PFKFB1: variants seen among roughly 807,000 people sequenced by gnomAD.
The protein encoded by PFKFB1 is 6-phosphofructo-2-kinase/fructose-2,6-bisphosphatase 1.
Under a neutral mutation model 46.4 loss-of-function variants are expected in PFKFB1, and 34 were observed. That is an observed-to-expected ratio of 0.73 (90% CI 0.56 to 0.98). PFKFB1 has a LOEUF of 0.98. Ranked by LOEUF, PFKFB1 falls within the 50% of genes least tolerant of loss-of-function variation. PFKFB1 has a pLI of 0.00. For synonymous variants in PFKFB1, 119 were observed against 133.8 expected (o/e 0.89, Z 0.76); for missense variants, 393 against 376.3 (o/e 1.04, Z -0.37).
At chrX:54,989,999 C>A (rs952778335) in intron 1 of PFKFB1, among the ~76,000 whole-genome samples, 2 of 111,134 alleles carry the variant, frequency 1.8e-5, no homozygotes, top group Non-Finnish European at 3.8e-5. Flanking sequence ...TATGGCCATA[C>A]GATTGTGAAT....
At chrX:54,951,798 A>C in intron 8 of PFKFB1, 107 bp downstream of exon 8, 1 of 616,974 alleles carries the variant, frequency 1.6e-6, no homozygotes, top group Non-Finnish European at 2.6e-6. Flanking sequence ...CTTCTCCCCC[A>C]TCCCTGGGTC....
chrX:54,984,270 A>T (rs904963925), intron 1 of PFKFB1, among the ~76,000 whole-genome samples: 4 of 111,838 alleles, frequency 3.6e-5, no homozygotes, highest in Non-Finnish European at 7.5e-5. Context: ...CCTATTTGCA[A>T]ATGTCATGAT....
intron 1 of PFKFB1, among the ~76,000 whole-genome samples, chrX:54,973,197 C>A (rs924960237): frequency 1.3e-4 from 15 of 111,366 alleles, no homozygotes; most frequent in African/African-American, 4.9e-4. Flanking sequence ...TCCCCTTTAT[C>A]ATTTTTTATT....
Position 54,952,081 on chromosome X carries a change from C to G in PFKFB1, c.670G>C (p.Gly224Arg). The G allele has an allele frequency of 4.1e-6, 5 of 1,211,119 alleles. No individual in the cohort carries two copies. Among genetic ancestry groups the G allele is most frequent in the Non-Finnish European group, 5.6e-6 (5 of 895,173 alleles). ...HLSYIKIFDV[G>R]TRYMVNRVQD... ...ACTCGGTTCACCATGTAGCGTGTGC[C>G]CACGTCGAAGATCTTGATGTAGGAC... The change falls in exon 8 of 14, where the codon GGC becomes CGC. Residue 224 changes from glycine (G) to arginine (R), a missense_variant. Transcript: ENST00000375006.
chrX:54,938,398 T>G (rs770125422), intron 10 of PFKFB1, among the ~76,000 whole-genome samples: 2 of 111,923 alleles, frequency 1.8e-5, no homozygotes, highest in East Asian at 2.8e-4. Context: ...ATAACAATAT[T>G]AACCTTAAAT....
chrX:54,949,341 A>G, intron 8 of PFKFB1, 120 bp from the exon 9 acceptor site: 1 of 521,425 alleles, frequency 1.9e-6, no homozygotes, highest in South Asian at 4.7e-5. Flanking sequence ...CAAGCAGAGC[A>G]AAGAGTTTAA....
At chrX:54,991,545 G>C (rs1056428164) in intron 1 of PFKFB1, among the ~76,000 whole-genome samples, 1 of 106,795 alleles carries the variant, frequency 9.4e-6, no homozygotes, top group Non-Finnish European at 1.9e-5. Context: ...CTCTCTGTGT[G>C]TGTGTGTGTG....
chrX:54,981,373 T>C (rs950876617), intron 1 of PFKFB1, among the ~76,000 whole-genome samples: 1 of 111,823 alleles, frequency 8.9e-6, no homozygotes, highest in African/African-American at 3.2e-5. Context: ...AACAATTAGA[T>C]TCGCAGTTGA....
At chrX:54,993,326 T>C (rs1935292014) in intron 1 of PFKFB1, among the ~76,000 whole-genome samples, 1 of 112,215 alleles carries the variant, frequency 8.9e-6, no homozygotes, top group African/African-American at 3.2e-5. Context: ...AGGAAGTCCA[T>C]ATGTGCCAGG....
upstream of PFKFB1, among the ~76,000 whole-genome samples, chrX:54,996,485 C>A (rs918679098): frequency 2.7e-5 from 3 of 112,369 alleles, no homozygotes; most frequent in Non-Finnish European, 5.6e-5. Flanking sequence ...AGCAGGAAAT[C>A]TGAGATAAGA....
rs763659560 is a variant in PFKFB1, at chrX:54,952,127, A to G, written c.639-15T>C. ...AGGACAGGTGGCTGGGCCAGACCCA[A>G]GCAGGAGCAAGGGCAGCTCAGGGGC... On this transcript the variant is annotated splice_polypyrimidine_tract_variant and intron_variant, in intron 7 of 13. Coordinates refer to ENST00000375006, the MANE Select transcript of PFKFB1 (RefSeq NM_002625.4). 1 of 1,178,692 alleles carries G rather than the reference A, an allele frequency of 8.5e-7. No homozygotes were observed. Among genetic ancestry groups the G allele is most frequent in the Non-Finnish European group, 1.2e-6 (1 of 868,490 alleles).
rs769651994 is a variant in PFKFB1, at chrX:54,954,085, T to A, written c.639-1973A>T. 9.7e-3 allele frequency among the ~76,000 whole-genome samples: 1,089 copies of A among 112,036 alleles called. 11 individuals are homozygous for A. The highest frequency in any genetic ancestry group is 0.032 in the African/African-American group (981 of 31,038). Reference sequence around the variant, plus strand: ...CTTTTAATTTTATTTAAAAATTTTTTAAAAAATTTTTAAATTTTTATTTAA... The same window carrying A: ...CTTTTAATTTTATTTAAAAATTTTTAAAAAAATTTTTAAATTTTTATTTAA... On this transcript the variant is annotated intron_variant, in intron 7 of 13. Transcript: ENST00000375006.
chrX:54,973,492 C>T (rs1278456719), intron 1 of PFKFB1, among the ~76,000 whole-genome samples: 1 of 110,727 alleles, frequency 9.0e-6, no homozygotes, highest in African/African-American at 3.3e-5. Context: ...CTATAAATTT[C>T]CCTCTACACA....
chrX:54,945,306 T>C (rs1391078112), intron 10 of PFKFB1, 133 bp downstream of exon 10: 11 of 404,279 alleles, frequency 2.7e-5, no homozygotes, highest in East Asian at 8.4e-5. Flanking sequence ...ATCATGTGCC[T>C]TGTGGGATGG....
At chrX:54,933,690 G>A in intron 13 of PFKFB1, 131 bp downstream of exon 13, 1 of 563,737 alleles carries the variant, frequency 1.8e-6, no homozygotes, top group South Asian at 2.8e-5. Flanking sequence ...GCATTTCTGG[G>A]TGCTGTTTGC....
intron 10 of PFKFB1, among the ~76,000 whole-genome samples, chrX:54,938,548 A>G (rs1057246285): frequency 1.3e-4 from 15 of 111,541 alleles, no homozygotes; most frequent in Non-Finnish European, 2.3e-4. Context: ...GGATGGAGGA[A>G]GATCTACCAA....
At chrX:54,978,664 C>G (rs1178892875) in intron 1 of PFKFB1, among the ~76,000 whole-genome samples, 1 of 111,440 alleles carries the variant, frequency 9.0e-6, no homozygotes, top group Admixed American at 9.6e-5. Context: ...AAATAGTAAC[C>G]TGGCAGACCA....
At chrX:54,971,712 C>A (rs1934666885) in intron 1 of PFKFB1, among the ~76,000 whole-genome samples, 1 of 112,016 alleles carries the variant, frequency 8.9e-6, no homozygotes, top group African/African-American at 3.2e-5. Context: ...TGTTTTGGTA[C>A]CAGTACCATG....
chrX:54,945,532 C>T lies in PFKFB1; in HGVS notation c.1005G>A (p.Glu335=), dbSNP rs774654483. 1.7e-5 allele frequency: 20 copies of T among 1,156,229 alleles called. No individual in the cohort carries two copies. The highest frequency in any genetic ancestry group is 2.1e-5 in the Non-Finnish European group (18 of 850,013). The change falls in exon 10 of 14, where the codon GAG becomes GAA. Residue 335 remains glutamate (E), a synonymous_variant. Transcript: ENST00000375006. ...ALNEIDAGVC[E]EMTYEEIQEH... ...CCTGGATTTCTTCATAGGTCATCTC[C>T]TCACAGACACCCTGAGAAAAAGTAT...
Sources: gnomAD v4.1 joint callset for allele counts (sites outside exome capture counted in the v4.1 genomes callset) on GRCh38, gnomAD v4.1.1 for gene constraint, MANE v1.5 for transcripts, NCBI Gene and HGNC (gene_info 2026-07-23, HGNC 2026-07-21) for gene names.